The following TRPM3 variants were observed in gnomAD, a reference collection of about 807,000 sequenced individuals.
TRPM3 encodes the protein long transient receptor potential channel 3.
A neutral mutation model predicts 181.2 loss-of-function variants in TRPM3; 77 were observed. That is an observed-to-expected ratio of 0.42 (90% CI 0.35 to 0.51). TRPM3 has a LOEUF of 0.51. Ranked by LOEUF, TRPM3 falls within the 20% of genes least tolerant of loss-of-function variation. The pLI is 0.01. For synonymous variants in TRPM3, 745 were observed against 796.4 expected, an observed-to-expected ratio of 0.94 and a Z score of 1.09; for missense variants, 1,759 against 2,196.7, an observed-to-expected ratio of 0.80 and a Z score of 3.98.
intron 19 of TRPM3, among the ~76,000 whole-genome samples, chr9:70,605,674 C>CA (rs1249597093): frequency 1.3e-5 from 2 of 151,484 alleles, no homozygotes; most frequent in Admixed American, 6.6e-5. Context: ...GTACAGACTG[C>CA]AAAAAACAAA....
chr9:70,831,191 A>C (rs895347031), intron 5 of TRPM3, among the ~76,000 whole-genome samples: 1 of 152,210 alleles, frequency 6.6e-6, no homozygotes, highest in Non-Finnish European at 1.5e-5. Flanking sequence ...AATATTCTTC[A>C]TAGCAAACGT....
chr9:71,321,705 A>G (rs544913681), intron 1 of TRPM3, among the ~76,000 whole-genome samples: 3 of 152,264 alleles, frequency 2.0e-5, no homozygotes, highest in East Asian at 3.9e-4. Context: ...GAGGAAAAAA[A>G]GTGCCTATGA....
intron 1 of TRPM3, among the ~76,000 whole-genome samples, chr9:70,968,634 T>C (rs903860363): frequency 1.3e-5 from 2 of 152,192 alleles, no homozygotes; most frequent in Admixed American, 6.5e-5. Context: ...TTGTACTGGC[T>C]TCAGAGAAAA....
At chr9:70,553,088 T>C in intron 23 of TRPM3, 45 bp from the exon 24 acceptor site, 1 of 1,613,578 alleles carries the variant, frequency 6.2e-7, no homozygotes, top group Admixed American at 1.7e-5. Flanking sequence ...AACCCACTGT[T>C]TTCTGAAGCA....
At chr9:71,379,913 T>C (rs926194280) in intron 1 of TRPM3, among the ~76,000 whole-genome samples, 2 of 151,998 alleles carry the variant, frequency 1.3e-5, no homozygotes, top group Admixed American at 6.6e-5. Context: ...CATACGCAAG[T>C]AACTTTCTTC....
In TRPM3 at chr9:71,348,071, T is replaced by A. The variant is rs181055526; in HGVS notation, c.183+98582A>T. On this transcript the variant is annotated intron_variant, in intron 1 of 24. Transcript: ENST00000357533. Reference sequence around the variant, plus strand: ...TGACCTAAAGAAATAAAAAAAATTGTTATTTTCTGATTATTGGCAAACAGC... The same window carrying A: ...TGACCTAAAGAAATAAAAAAAATTGATATTTTCTGATTATTGGCAAACAGC... 1.8e-3 allele frequency among the ~76,000 whole-genome samples: 275 copies of A among 152,320 alleles called. 1 individual carries two copies. The highest frequency in any genetic ancestry group is 6.4e-3 in the African/African-American group (266 of 41,580).
intron 1 of TRPM3, among the ~76,000 whole-genome samples, chr9:70,987,003 G>T (rs997871391): frequency 6.6e-6 from 1 of 151,362 alleles, no homozygotes. Flanking sequence ...TATCTAGTGT[G>T]ACTGAGAAAC....
At chr9:71,286,392 T>A (rs2085279496) in intron 1 of TRPM3, among the ~76,000 whole-genome samples, 1 of 152,208 alleles carries the variant, frequency 6.6e-6, no homozygotes, top group South Asian at 2.1e-4. Context: ...AAGCTCATTT[T>A]GCAAAATCCA....
intron 1 of TRPM3, among the ~76,000 whole-genome samples, chr9:71,245,288 C>T (rs2081968918): frequency 6.6e-6 from 1 of 151,810 alleles, no homozygotes; most frequent in Non-Finnish European, 1.5e-5. Flanking sequence ...ACTAGAAATA[C>T]AAAAAATTAG....
intron 1 of TRPM3, among the ~76,000 whole-genome samples, chr9:71,418,761 A>C (rs938377516): frequency 3.4e-5 from 5 of 147,822 alleles, no homozygotes; most frequent in African/African-American, 7.4e-5. Flanking sequence ...TTGAGATACT[A>C]TATATATACT....
chr9:71,362,753 A>G (rs186299837), intron 1 of TRPM3, among the ~76,000 whole-genome samples: 11 of 152,330 alleles, frequency 7.2e-5, no homozygotes, highest in Admixed American at 6.5e-4. Flanking sequence ...TAAAGTTTCA[A>G]ATTAAATAGT....
At chr9:71,163,715 T>C (rs1281739160) in intron 1 of TRPM3, among the ~76,000 whole-genome samples, 2 of 151,864 alleles carry the variant, frequency 1.3e-5, no homozygotes, top group African/African-American at 4.8e-5. Flanking sequence ...AACCAGAAGA[T>C]CAAAGACTGA....
intron 1 of TRPM3, among the ~76,000 whole-genome samples, chr9:70,944,754 CAGA>C (rs201663346): frequency 0.02 from 2,994 of 152,026 alleles, 51 homozygotes; most frequent in East Asian, 0.047. Context: ...TTAAAATGGC[CAGA>C]AGGACAACAT....
rs547902614 is a variant in TRPM3, at chr9:71,333,862, T to C, written c.183+112791A>G. On this transcript the variant is annotated intron_variant, in intron 1 of 24. Transcript: ENST00000357533. ...GCAGTTGGAAATCCAGATTCCAGTG[T>C]GTGAAATCTCCTGTTTCTATTTAAG... Among the ~76,000 whole-genome samples the C allele has an allele frequency of 2.0e-5, 3 of 152,088 alleles. No individual in the cohort carries two copies. In the East Asian group the frequency reaches 5.8e-4, roughly 29 times the overall value.
intron 1 of TRPM3, among the ~76,000 whole-genome samples, chr9:71,108,413 C>T (rs2070244294): frequency 6.6e-6 from 1 of 152,038 alleles, no homozygotes; most frequent in Non-Finnish European, 1.5e-5. Context: ...TGCTCCCCTG[C>T]CATATCACCT....
intron 1 of TRPM3, among the ~76,000 whole-genome samples, chr9:71,095,994 C>G (rs554515835): frequency 2.5e-4 from 38 of 152,154 alleles, no homozygotes; most frequent in South Asian, 1.0e-3. Flanking sequence ...CAAAGTGAGT[C>G]TGTGGTTTTG....
chr9:70,754,015 A>G (rs2076632492), intron 8 of TRPM3, among the ~76,000 whole-genome samples: 1 of 152,146 alleles, frequency 6.6e-6, no homozygotes, highest in Non-Finnish European at 1.5e-5. Flanking sequence ...TGCCAAGTCT[A>G]AGTGGTCCTC....
chr9:70,822,239 A>G (rs370099841), intron 6 of TRPM3, among the ~76,000 whole-genome samples: 1 of 152,142 alleles, frequency 6.6e-6, no homozygotes, highest in East Asian at 1.9e-4. Context: ...GCTTCTCAAA[A>G]ACTTTGTACA....
chr9:70,673,161 A>G (rs567307593), intron 9 of TRPM3, among the ~76,000 whole-genome samples: 1 of 152,244 alleles, frequency 6.6e-6, no homozygotes, highest in South Asian at 2.1e-4. Context: ...AAATGCATGG[A>G]GTAGCAAGGG....
Sources: gnomAD v4.1 joint callset for allele counts (sites outside exome capture counted in the v4.1 genomes callset) on GRCh38, gnomAD v4.1.1 for gene constraint, MANE v1.5 for transcripts, NCBI Gene and HGNC (gene_info 2026-07-23, HGNC 2026-07-21) for gene names.